MAN1C1: variants seen among roughly 807,000 people sequenced by gnomAD.
MAN1C1 encodes mannosyl-oligosaccharide 1,2-alpha-mannosidase IC.
A neutral mutation model predicts 71.5 loss-of-function variants in MAN1C1; 49 were observed. The observed-to-expected ratio is 0.69, with a 90% CI of 0.54 to 0.87. The LOEUF is 0.87. Among genes scored for constraint, MAN1C1 ranks in the 40% least tolerant of loss-of-function variants. MAN1C1 has a pLI of 0.00. For missense variants in MAN1C1, 743 were observed against 835.0 expected (o/e 0.89, Z 1.36); for synonymous variants, 352 against 343.7 (o/e 1.02, Z -0.27).
chr1:25,670,879 T>C (rs2045984549), intron 1 of MAN1C1, among the ~76,000 whole-genome samples: 2 of 152,188 alleles, frequency 1.3e-5, no homozygotes, highest in Admixed American at 1.3e-4. Flanking sequence ...TGCCTGCCTC[T>C]GCCACTACTT....
intron 1 of MAN1C1, among the ~76,000 whole-genome samples, chr1:25,672,321 C>T (rs2046004077): frequency 6.6e-6 from 1 of 152,214 alleles, no homozygotes; most frequent in Admixed American, 6.5e-5. Context: ...ACTCAACCCA[C>T]CAACTCAAAT....
At chr1:25,751,254 T>G (rs1460921508) in intron 4 of MAN1C1, among the ~76,000 whole-genome samples, 1 of 152,156 alleles carries the variant, frequency 6.6e-6, no homozygotes, top group East Asian at 1.9e-4. Context: ...TCTTTTCTTC[T>G]GTCCTTTTCT....
intron 1 of MAN1C1, among the ~76,000 whole-genome samples, chr1:25,650,487 T>G (rs1223260343): frequency 1.3e-5 from 2 of 152,196 alleles, no homozygotes; most frequent in Non-Finnish European, 2.9e-5. Flanking sequence ...CTTCTGAGGT[T>G]GTTCTGAGGT....
intron 1 of MAN1C1, among the ~76,000 whole-genome samples, chr1:25,653,146 A>G (rs2045717306): frequency 6.6e-6 from 1 of 151,980 alleles, no homozygotes; most frequent in African/African-American, 2.4e-5. Flanking sequence ...GGCACAATCT[A>G]AGCTCGCTGC....
At chr1:25,635,438 CTTTTTTTTTT>C (rs747915977) in intron 1 of MAN1C1, among the ~76,000 whole-genome samples, 1 of 131,506 alleles carries the variant, frequency 7.6e-6, no homozygotes, top group Non-Finnish European at 1.7e-5. Flanking sequence ...TTCTTTCTTT[CTTTTTTTTTT>C]TTTTTTTATG....
intron 4 of MAN1C1, among the ~76,000 whole-genome samples, chr1:25,751,467 C>T (rs2047215132): frequency 1.3e-5 from 2 of 152,214 alleles, no homozygotes; most frequent in South Asian, 4.1e-4. Context: ...AGCAACCCAG[C>T]TTTCCAGAAC....
At chr1:25,780,796 G>C in intron 9 of MAN1C1, 144 bp from the exon 10 acceptor site, 1 of 767,776 alleles carries the variant, frequency 1.3e-6, no homozygotes, top group South Asian at 1.7e-5. Context: ...GCCTTACACA[G>C]CAGTCCAGGC....
In MAN1C1 at chr1:25,690,323, T is replaced by C. The variant is rs1410432692; in HGVS notation, c.637+3787T>C. Among the ~76,000 whole-genome samples, 4 of 148,122 alleles carry C rather than the reference T, an allele frequency of 2.7e-5. No individual in the cohort carries two copies. The South Asian group carries it at 6.4e-4, about 24-fold the overall frequency. On this transcript the variant is annotated intron_variant, in intron 2 of 11. Coordinates refer to ENST00000374332, the MANE Select transcript of MAN1C1 (RefSeq NM_020379.4). The stretch of plus-strand genomic sequence containing the variant: ...TTTTTTTTTTTTTGAGATGGAGTCT[T>C]GTTCTGTCGCCCAGGCTGGAGTGCA...
chr1:25,747,381 A>G (rs1249019092), intron 3 of MAN1C1, among the ~76,000 whole-genome samples: 1 of 152,204 alleles, frequency 6.6e-6, no homozygotes, highest in Non-Finnish European at 1.5e-5. Flanking sequence ...AACAGCCTTG[A>G]ACACCACAGC....
At chr1:25,647,801 G>GTACA (rs2045636513) in intron 1 of MAN1C1, among the ~76,000 whole-genome samples, 4 of 152,222 alleles carry the variant, frequency 2.6e-5, no homozygotes, top group African/African-American at 9.7e-5. Flanking sequence ...AGATGGAATG[G>GTACA]GATATGTGTG....
rs2046609640 is a variant in MAN1C1, at chr1:25,711,304, T to G, written c.637+24768T>G. On this transcript the variant is annotated intron_variant, in intron 2 of 11. Transcript: ENST00000374332. The surrounding 1 kb of genome is among the most constrained non-coding windows in gnomAD (Gnocchi z 4.3). ...TCCATCTCTTGATGGGAACAACCGC[T>G]AAGTCTCATGGCCAAAGTCAGGGCT... Among the ~76,000 whole-genome samples the G allele has an allele frequency of 6.6e-6, 1 of 152,204 alleles. No individual in the cohort carries two copies. Among genetic ancestry groups the G allele is most frequent in the Admixed American group, 6.5e-5 (1 of 15,288 alleles).
intron 1 of MAN1C1, among the ~76,000 whole-genome samples, chr1:25,621,595 G>C (rs2045210423): frequency 6.6e-6 from 1 of 151,908 alleles, no homozygotes; most frequent in African/African-American, 2.4e-5. Context: ...ATGCTTGGTT[G>C]TGTTTTTGTT....
At chr1:25,670,462 C>CATTCCTTTA (rs1244004528) in intron 1 of MAN1C1, among the ~76,000 whole-genome samples, 3 of 152,226 alleles carry the variant, frequency 2.0e-5, no homozygotes, top group Non-Finnish European at 1.5e-5. Context: ...AGCTTTAAAG[C>CATTCCTTTA]AGGTCATCCA....
At chr1:25,629,526 C>G (rs2045349043) in intron 1 of MAN1C1, among the ~76,000 whole-genome samples, 1 of 152,128 alleles carries the variant, frequency 6.6e-6, no homozygotes, top group Non-Finnish European at 1.5e-5. Context: ...GCCTCCGCCT[C>G]CCAGGTTCAA....
chr1:25,708,813 G>A (rs1250678973), intron 2 of MAN1C1, among the ~76,000 whole-genome samples: 1 of 152,168 alleles, frequency 6.6e-6, no homozygotes, highest in Non-Finnish European at 1.5e-5. Context: ...GAACCTGGGA[G>A]GTGGAGGTTG....
chr1:25,649,745 C>A (rs760444306), intron 1 of MAN1C1, among the ~76,000 whole-genome samples: 7 of 152,138 alleles, frequency 4.6e-5, no homozygotes, highest in Non-Finnish European at 7.4e-5. Context: ...TCAAGCAATT[C>A]CCCTGCCTCA....
At chr1:25,699,223 C>T (rs553080343) in intron 2 of MAN1C1, among the ~76,000 whole-genome samples, 7 of 151,730 alleles carry the variant, frequency 4.6e-5, no homozygotes, top group South Asian at 2.1e-4. Context: ...TCGCTTGAAC[C>T]GGAGAGGTCG....
chr1:25,767,514 T>G (rs951397437), intron 7 of MAN1C1, among the ~76,000 whole-genome samples: 1 of 96,506 alleles, frequency 1.0e-5, no homozygotes, highest in African/African-American at 4.2e-5. Context: ...ACACACACAT[T>G]ACATACTACA....
intron 1 of MAN1C1, among the ~76,000 whole-genome samples, chr1:25,637,987 T>C (rs55872119): frequency 0.09 from 13,626 of 152,106 alleles, 1,354 homozygotes; most frequent in East Asian, 0.22. Context: ...GCTTTTTGAA[T>C]CTAGTCTGAC....
Sources: allele counts gnomAD v4.1 joint callset (sites outside exome capture counted in the v4.1 genomes callset), GRCh38; gene constraint gnomAD v4.1.1; non-coding constraint Gnocchi (gnomAD v3.1); transcripts MANE v1.5; gene names NCBI Gene and HGNC (gene_info 2026-07-23, HGNC 2026-07-21).